EBF1: variants seen among roughly 807,000 people sequenced by gnomAD.
EBF1 encodes EBF transcription factor 1, also known as transcription factor COE1.
EBF1 carries 10 observed loss-of-function variants against 68.4 expected under a neutral mutation model. The ratio of observed to expected loss-of-function variants is 0.15; its 90% confidence interval spans 0.09 to 0.25. The LOEUF is 0.25. Ranked by LOEUF, EBF1 falls within the 10% of genes least tolerant of loss-of-function variation. The probability of loss-of-function intolerance (pLI) is 1.00; values close to 1 mark genes in which losing one functional copy is unlikely to be tolerated. For synonymous variants in EBF1, 298 were observed against 299.8 expected (o/e 0.99, Z 0.06); for missense variants, 509 against 794.4 (o/e 0.64, Z 4.32).
chr5:158,967,116 G>A (rs1754335642), intron 6 of EBF1, among the ~76,000 whole-genome samples: 1 of 151,148 alleles, frequency 6.6e-6, no homozygotes, highest in Non-Finnish European at 1.5e-5. Context: ...TATAAGGGGG[G>A]TGGGGAAGGC....
Position 159,046,165 on chromosome 5 carries a change from C to T in EBF1, c.554+27231G>A, listed in dbSNP as rs138563428. Among the ~76,000 whole-genome samples the T allele has an allele frequency of 1.1e-3, 164 of 152,258 alleles. 1 individual carries two copies. The South Asian group carries it at 0.03, about 28-fold the overall frequency. On this transcript the variant is annotated intron_variant, in intron 6 of 15. Coordinates refer to ENST00000313708, the MANE Select transcript of EBF1 (RefSeq NM_024007.5). ...ACCCCCACACAGAATTAATCAATTC[C>T]GATACAGGTGCCCCTGACACTCTGT... is the stretch of plus-strand genomic sequence containing the variant.
rs36045942 is a variant in EBF1, at chr5:159,006,647, TAAAAAAAAAA to T, written c.554+66739_554+66748del. 2.4e-3 allele frequency among the ~76,000 whole-genome samples: 137 copies of T among 56,208 alleles called. 2 individuals are homozygous for T. Among genetic ancestry groups the T allele is most frequent in the African/African-American group, 0.011 (127 of 11,404 alleles). The allele number at this position is 56,208 out of a possible 152,430, so 36.9% of individuals were successfully genotyped here. A position where few individuals can be genotyped will look rare whatever the true frequency, so the allele number is the denominator to read the frequency against. ...CTCATATAACCAATCATAGCCATGT[TAAAAAAAAAA>T]AAAAAAAAAAAAAAAAAAAGCCTGG... is the stretch of plus-strand genomic sequence containing the variant. On this transcript the variant is annotated intron_variant, in intron 6 of 15. Coordinates refer to ENST00000313708, the MANE Select transcript of EBF1 (RefSeq NM_024007.5).
chr5:158,865,176 C>T (rs1795663352), intron 6 of EBF1, among the ~76,000 whole-genome samples: 9 of 152,144 alleles, frequency 5.9e-5, no homozygotes, highest in Admixed American at 5.9e-4. Context: ...ATAGGATTCA[C>T]AAACCCTTCC....
At chr5:159,022,140 C>G (rs537833141) in intron 6 of EBF1, among the ~76,000 whole-genome samples, 2 of 151,822 alleles carry the variant, frequency 1.3e-5, no homozygotes, top group Non-Finnish European at 2.9e-5. Flanking sequence ...GATTGCCTCG[C>G]TCCTGACTTC....
intron 6 of EBF1, among the ~76,000 whole-genome samples, chr5:159,017,141 C>T (rs563110585): frequency 6.6e-6 from 1 of 152,314 alleles, no homozygotes; most frequent in Non-Finnish European, 1.5e-5. Flanking sequence ...AATATTCCAA[C>T]ATCAGTGTGT....
intron 6 of EBF1, among the ~76,000 whole-genome samples, chr5:158,951,914 T>C (rs1816088846): frequency 6.6e-6 from 1 of 152,190 alleles, no homozygotes; most frequent in South Asian, 2.1e-4. Context: ...TTCAACACTG[T>C]GCCCTTTAGT....
At chr5:158,756,866 T>C (rs1020564818) in intron 10 of EBF1, among the ~76,000 whole-genome samples, 3 of 151,380 alleles carry the variant, frequency 2.0e-5, no homozygotes, top group African/African-American at 4.9e-5. Context: ...AGATTTAAAA[T>C]GTGGACACGT....
chr5:158,859,808 T>C (rs1050176783), intron 6 of EBF1, among the ~76,000 whole-genome samples: 2 of 152,230 alleles, frequency 1.3e-5, no homozygotes, highest in Non-Finnish European at 2.9e-5. Context: ...CAGAACAGCA[T>C]TATCTAAATT....
chr5:158,788,811 G>A (rs1264149130), intron 9 of EBF1, among the ~76,000 whole-genome samples: 2 of 152,132 alleles, frequency 1.3e-5, no homozygotes, highest in African/African-American at 4.8e-5. Context: ...TGTAAATAAT[G>A]AGCTGAAAAT....
intron 6 of EBF1, among the ~76,000 whole-genome samples, chr5:158,976,783 A>G (rs1008836908): frequency 6.6e-6 from 1 of 152,250 alleles, no homozygotes; most frequent in Non-Finnish European, 1.5e-5. Flanking sequence ...ACGGTCTCAC[A>G]TCACAGTACT....
intron 6 of EBF1, among the ~76,000 whole-genome samples, chr5:158,975,969 C>T (rs1452282948): frequency 2.0e-5 from 3 of 152,146 alleles, no homozygotes; most frequent in Admixed American, 6.5e-5. Context: ...GTTAATGAAA[C>T]GAGGTGATTT....
Position 158,737,266 on chromosome 5 carries a change from A to ATTTTTTTTTTTTT in EBF1, c.1037-6122_1037-6110dup, listed in dbSNP as rs61380054. ...CCAAACTGCCTTTGAACATGCCCTG[A>ATTTTTTTTTTTTT]TTTTTTTTTTTTTTTTTTTTTTTTT... On this transcript the variant is annotated intron_variant, in intron 10 of 15. Transcript: ENST00000313708. 1.6e-4 allele frequency among the ~76,000 whole-genome samples: 9 copies of ATTTTTTTTTTTTT among 55,640 alleles called. 2 individuals carry two copies. The highest frequency in any genetic ancestry group is 4.0e-4 in the African/African-American group (5 of 12,608). The allele number at this position is 55,640 out of a possible 152,430, so 36.5% of individuals were successfully genotyped here.
At chr5:159,083,324 T>C (rs998708890) in intron 5 of EBF1, among the ~76,000 whole-genome samples, 2 of 152,222 alleles carry the variant, frequency 1.3e-5, no homozygotes, top group African/African-American at 4.8e-5. Flanking sequence ...TGTAGAATTG[T>C]TATGTACAAT....
chr5:158,890,572 A>G (rs1224408166), intron 6 of EBF1, among the ~76,000 whole-genome samples: 1 of 152,268 alleles, frequency 6.6e-6, no homozygotes, highest in Non-Finnish European at 1.5e-5. Flanking sequence ...AATGGAGACA[A>G]GAACTGAGAG....
In EBF1 at chr5:158,937,466, G is replaced by A. The variant is rs73816842; in HGVS notation, c.555-97356C>T. Among the ~76,000 whole-genome samples the A allele has an allele frequency of 5.7e-3, 864 of 152,246 alleles. 10 individuals are homozygous for A. The highest frequency in any genetic ancestry group is 0.02 in the African/African-American group (818 of 41,546). The stretch of plus-strand genomic sequence containing the variant: ...GCAGCACCAGCCAGGAATAAGCAAA[G>A]CTCAGGGATGACAAAAAGAACCGAG... On this transcript the variant is annotated intron_variant, in intron 6 of 15. Coordinates refer to ENST00000313708, the MANE Select transcript of EBF1 (RefSeq NM_024007.5).
At chr5:158,944,336 G>C (rs1020054441) in intron 6 of EBF1, among the ~76,000 whole-genome samples, 4 of 152,022 alleles carry the variant, frequency 2.6e-5, no homozygotes, top group African/African-American at 9.7e-5. Flanking sequence ...TTTTGTTCCT[G>C]TGTTAGTTTG....
At chr5:158,775,210 T>A (rs1039883888) in intron 10 of EBF1, among the ~76,000 whole-genome samples, 5 of 147,476 alleles carry the variant, frequency 3.4e-5, no homozygotes, top group African/African-American at 1.2e-4. Context: ...CTGATGGCAA[T>A]TTTTTTTTTT....
intron 6 of EBF1, among the ~76,000 whole-genome samples, chr5:159,056,027 G>A (rs903912313): frequency 3.9e-5 from 6 of 152,200 alleles, no homozygotes; most frequent in African/African-American, 1.4e-4. Flanking sequence ...CTAAAGGAGA[G>A]ACTAACCCTA....
intron 6 of EBF1, among the ~76,000 whole-genome samples, chr5:159,035,821 A>G (rs1053786027): frequency 6.6e-6 from 1 of 152,236 alleles, no homozygotes; most frequent in Non-Finnish European, 1.5e-5. Context: ...TGCCCTTCCC[A>G]GGGTCATGCA....
Sources: allele counts gnomAD v4.1 joint callset (sites outside exome capture counted in the v4.1 genomes callset), GRCh38; gene constraint gnomAD v4.1.1; transcripts MANE v1.5; gene names NCBI Gene and HGNC (gene_info 2026-07-23, HGNC 2026-07-21).